GTF2F2: variants seen among roughly 807,000 people sequenced by gnomAD.
GTF2F2 encodes the protein general transcription factor IIF subunit 2.
GTF2F2 carries 23 observed loss-of-function variants against 42.2 expected under a neutral mutation model. That is an observed-to-expected ratio of 0.55 (90% CI 0.39 to 0.77). GTF2F2 has a LOEUF of 0.77. GTF2F2 is among the 30% of genes least tolerant of loss of function. The pLI is 0.00. For synonymous variants in GTF2F2, 105 were observed against 100.8 expected (o/e 1.04, Z -0.25); for missense variants, 261 against 287.2 (o/e 0.91, Z 0.66).
chr13:45,195,271 TTTTA>T (rs1297578188), intron 4 of GTF2F2, among the ~76,000 whole-genome samples: 1 of 152,092 alleles, frequency 6.6e-6, no homozygotes, highest in Non-Finnish European at 1.5e-5. Flanking sequence ...TTTTTTATTA[TTTTA>T]TTTACCCTAA....
At chr13:45,145,858 T>A (rs1355261610) in intron 2 of GTF2F2, among the ~76,000 whole-genome samples, 1 of 152,162 alleles carries the variant, frequency 6.6e-6, no homozygotes, top group Non-Finnish European at 1.5e-5. Flanking sequence ...TGTTCAGGCT[T>A]TCATTCCTGT....
chr13:45,247,635 T>C (rs1258431670), intron 5 of GTF2F2, among the ~76,000 whole-genome samples: 2 of 152,136 alleles, frequency 1.3e-5, no homozygotes, highest in East Asian at 3.9e-4. Context: ...ATGATCCACC[T>C]GCCTCAGCTT....
At chr13:45,201,876 T>G (rs1423681207) in intron 4 of GTF2F2, among the ~76,000 whole-genome samples, 1 of 152,128 alleles carries the variant, frequency 6.6e-6, no homozygotes, top group East Asian at 1.9e-4. Context: ...TAGGATGAGT[T>G]TGTGTGGCTT....
rs975468990 is a variant in GTF2F2, at chr13:45,230,604, G to C, written c.387-22267G>C. Among the ~76,000 whole-genome samples the C allele has an allele frequency of 1.6e-4, 24 of 152,202 alleles. No homozygotes were observed. The South Asian group carries it at 2.5e-3, about 16-fold the overall frequency. ...GCCAGTCTTTTTTTAAAATAGTCTGGTAGTTTTATGAAAAGTCTAACTAAA... is the reference window on the plus strand; with the variant it reads ...GCCAGTCTTTTTTTAAAATAGTCTGCTAGTTTTATGAAAAGTCTAACTAAA... On this transcript the variant is annotated intron_variant, in intron 5 of 7. Transcript: ENST00000340473.
chr13:45,279,679 G>A (rs528222091), intron 7 of GTF2F2, among the ~76,000 whole-genome samples: 11 of 152,212 alleles, frequency 7.2e-5, no homozygotes, highest in East Asian at 1.9e-4. Context: ...AGGCCGAGGC[G>A]GGTGGATCAC....
At chr13:45,152,955 A>G (rs141241624) in intron 4 of GTF2F2, among the ~76,000 whole-genome samples, 7 of 152,296 alleles carry the variant, frequency 4.6e-5, no homozygotes, top group Non-Finnish European at 8.8e-5. Context: ...AGAAAGCTAT[A>G]AGAAATTATA....
At chr13:45,122,177 A>G (rs764649007) in intron 1 of GTF2F2, among the ~76,000 whole-genome samples, 1 of 152,216 alleles carries the variant, frequency 6.6e-6, no homozygotes, top group Non-Finnish European at 1.5e-5. Context: ...TTGTCATATC[A>G]TGAAACGGAG....
At chr13:45,236,675 G>A (rs1427503602) in intron 5 of GTF2F2, among the ~76,000 whole-genome samples, 1 of 152,122 alleles carries the variant, frequency 6.6e-6, no homozygotes, top group African/African-American at 2.4e-5. Flanking sequence ...TAATGCATAT[G>A]AAATAATCTA....
intron 5 of GTF2F2, among the ~76,000 whole-genome samples, chr13:45,246,047 C>T (rs980424239): frequency 5.1e-4 from 75 of 148,258 alleles, no homozygotes; most frequent in Admixed American, 1.4e-4. Context: ...CTCGCTCTGT[C>T]GCCCAGGCTG....
intron 4 of GTF2F2, among the ~76,000 whole-genome samples, chr13:45,181,893 T>C (rs1872181662): frequency 6.6e-6 from 1 of 152,150 alleles, no homozygotes; most frequent in Non-Finnish European, 1.5e-5. Flanking sequence ...TCTATTGATA[T>C]GGTATTGGGG....
chr13:45,192,138 C>T (rs1029970388), intron 4 of GTF2F2, among the ~76,000 whole-genome samples: 2 of 151,906 alleles, frequency 1.3e-5, no homozygotes, highest in Non-Finnish European at 2.9e-5. Flanking sequence ...CAATTCTTTT[C>T]CTGTTTTTAT....
intron 5 of GTF2F2, among the ~76,000 whole-genome samples, chr13:45,216,851 A>G (rs1341019353): frequency 2.0e-5 from 3 of 151,974 alleles, no homozygotes; most frequent in African/African-American, 7.2e-5. Context: ...GCTATAGAAC[A>G]GGAATTTCCT....
intron 4 of GTF2F2, among the ~76,000 whole-genome samples, chr13:45,178,192 T>G (rs1477408765): frequency 6.6e-6 from 1 of 151,928 alleles, no homozygotes; most frequent in African/African-American, 2.4e-5. Flanking sequence ...TTTCTTTGTA[T>G]CTTCTGTGTC....
intron 1 of GTF2F2, among the ~76,000 whole-genome samples, chr13:45,124,434 T>G (rs1230096878): frequency 1.3e-5 from 2 of 150,212 alleles, no homozygotes; most frequent in Non-Finnish European, 3.0e-5. Context: ...TGGTGGCTCA[T>G]GCCTGTAATC....
intron 4 of GTF2F2, among the ~76,000 whole-genome samples, chr13:45,189,462 C>T (rs1035616650): frequency 6.6e-6 from 1 of 152,186 alleles, no homozygotes; most frequent in African/African-American, 2.4e-5. Flanking sequence ...GTTCTAGATC[C>T]TTGAGGAATC....
At chr13:45,208,583 G>A (rs563285451) in intron 5 of GTF2F2, among the ~76,000 whole-genome samples, 18 of 152,250 alleles carry the variant, frequency 1.2e-4, no homozygotes, top group African/African-American at 3.9e-4. Context: ...ACACTGAATC[G>A]GTAGTGGAGA....
chr13:45,191,224 A>AAATATATATATATAT, intron 4 of GTF2F2, among the ~76,000 whole-genome samples: 10 of 75,312 alleles, frequency 1.3e-4, no homozygotes, highest in African/African-American at 1.0e-3. Flanking sequence ...ACAAAAAAAA[A>AAATATATATATATAT]ATATATATAT....
Position 45,273,458 on chromosome 13 carries a change from G to A in GTF2F2, c.630+6082G>A, listed in dbSNP as rs149097679. The stretch of plus-strand genomic sequence containing the variant: ...ATAAACAAATGAGTCAGAATTTTAC[G>A]TAAGGTATTACATGGATAAGAGCAA... On this transcript the variant is annotated intron_variant, in intron 7 of 7. Coordinates refer to ENST00000340473, the MANE Select transcript of GTF2F2 (RefSeq NM_004128.3). Among the ~76,000 whole-genome samples the A allele has an allele frequency of 6.2e-4, 94 of 152,072 alleles. 1 individual carries two copies. The highest frequency in any genetic ancestry group is 5.2e-3 in the Admixed American group (79 of 15,280).
intron 7 of GTF2F2, among the ~76,000 whole-genome samples, chr13:45,276,895 A>C (rs574673171): frequency 1.3e-5 from 2 of 152,366 alleles, no homozygotes; most frequent in South Asian, 4.1e-4. Flanking sequence ...CAGCACACAA[A>C]TATTAACGCA....
Sources: allele counts gnomAD v4.1 joint callset (sites outside exome capture counted in the v4.1 genomes callset), GRCh38; gene constraint gnomAD v4.1.1; transcripts MANE v1.5; gene names NCBI Gene and HGNC (gene_info 2026-07-23, HGNC 2026-07-21).